Variants in RARB observed in about 807,000 individuals in gnomAD.
RARB encodes retinoic acid receptor beta.
A neutral mutation model predicts 51.9 loss-of-function variants in RARB; 17 were observed. The ratio of observed to expected loss-of-function variants is 0.33; its 90% CI spans 0.22 to 0.49. The LOEUF is 0.49. RARB is among the 20% of genes least tolerant of loss of function. RARB has a pLI of 0.99. For synonymous variants in RARB, 215 were observed against 195.4 expected, an observed-to-expected ratio of 1.10 and a Z score of -0.84; for missense variants, 369 against 550.8, an observed-to-expected ratio of 0.67 and a Z score of 3.30.
intron 5 of RARB, among the ~76,000 whole-genome samples, chr3:25,286,136 T>G (rs1017745221): frequency 1.5e-5 from 2 of 130,100 alleles, no homozygotes; most frequent in South Asian, 2.5e-4. Context: ...TCACCAAGGC[T>G]GGAGTGCAGT....
intron 5 of RARB, among the ~76,000 whole-genome samples, chr3:25,256,532 A>T (rs1488113035): frequency 6.6e-6 from 1 of 152,180 alleles, no homozygotes; most frequent in East Asian, 1.9e-4. Context: ...ATGTTGTTTT[A>T]AAAATTCTTA....
At chr3:24,909,025 A>G (rs1694933120) in intron 2 of RARB, among the ~76,000 whole-genome samples, 2 of 152,178 alleles carry the variant, frequency 1.3e-5, no homozygotes, top group Non-Finnish European at 2.9e-5. Context: ...CTCCCGTTAT[A>G]TAACACATTA....
intron 1 of RARB, among the ~76,000 whole-genome samples, chr3:24,856,109 A>T (rs190768266): frequency 6.6e-6 from 1 of 152,098 alleles, no homozygotes; most frequent in African/African-American, 2.4e-5. Flanking sequence ...CAATATTTTG[A>T]GTATCTTCAT....
chr3:25,422,201 TG>T (rs1707881423), intron 5 of RARB, among the ~76,000 whole-genome samples: 1 of 152,214 alleles, frequency 6.6e-6, no homozygotes, highest in Non-Finnish European at 1.5e-5. Context: ...GCATCTCAGT[TG>T]TAGACATTAT....
intron 1 of RARB, among the ~76,000 whole-genome samples, chr3:25,431,404 C>T (rs1270409636): frequency 1.3e-5 from 2 of 152,014 alleles, no homozygotes; most frequent in African/African-American, 2.4e-5. Flanking sequence ...GATATGCCAG[C>T]CAGCTGCCAT....
At chr3:25,410,771 T>A (rs899944763) in intron 5 of RARB, among the ~76,000 whole-genome samples, 2 of 152,206 alleles carry the variant, frequency 1.3e-5, no homozygotes, top group African/African-American at 4.8e-5. Flanking sequence ...TGGGCCACAG[T>A]CAGAGTATTT....
chr3:25,540,817 G>A (rs1411185882), intron 3 of RARB, among the ~76,000 whole-genome samples: 1 of 152,192 alleles, frequency 6.6e-6, no homozygotes, highest in Admixed American at 6.5e-5. Context: ...AAAGATTAAA[G>A]AGAAGGAAGA....
intron 2 of RARB, among the ~76,000 whole-genome samples, chr3:25,005,657 T>G (rs1697255553): frequency 6.6e-6 from 1 of 152,150 alleles, no homozygotes; most frequent in African/African-American, 2.4e-5. Context: ...TCCTGTTGGT[T>G]GGATGGATCA....
At chr3:25,270,275 A>C (rs77475800) in intron 5 of RARB, among the ~76,000 whole-genome samples, 2 of 152,190 alleles carry the variant, frequency 1.3e-5, no homozygotes, top group Admixed American at 1.3e-4. Context: ...TGCGGTCTGT[A>C]TGTACAACAG....
intron 4 of RARB, among the ~76,000 whole-genome samples, chr3:25,134,206 GT>G (rs1699996271): frequency 6.6e-6 from 1 of 151,798 alleles, no homozygotes; most frequent in African/African-American, 2.4e-5. Flanking sequence ...ACATTTAACT[GT>G]TTTCTGAGGC....
At chr3:24,970,329 A>G (rs1403742390) in intron 2 of RARB, among the ~76,000 whole-genome samples, 1 of 151,980 alleles carries the variant, frequency 6.6e-6, no homozygotes, top group Non-Finnish European at 1.5e-5. Context: ...AACTGAAACC[A>G]CCACGAGTAT....
intron 3 of RARB, among the ~76,000 whole-genome samples, chr3:25,568,835 G>A (rs1255565936): frequency 6.6e-6 from 1 of 152,230 alleles, no homozygotes; most frequent in Non-Finnish European, 1.5e-5. Context: ...GGCATGGTCT[G>A]TTTCGCCTGT....
At chr3:25,558,334 T>G (rs1307081261) in intron 3 of RARB, among the ~76,000 whole-genome samples, 1 of 152,184 alleles carries the variant, frequency 6.6e-6, no homozygotes, top group Non-Finnish European at 1.5e-5. Flanking sequence ...ACCAATGAAC[T>G]TTGCTCCTTC....
chr3:25,013,763 CG>C (rs1159866988), intron 2 of RARB, among the ~76,000 whole-genome samples: 2 of 152,046 alleles, frequency 1.3e-5, no homozygotes, highest in Admixed American at 1.3e-4. Context: ...TCTCCCACAC[CG>C]GGCTTCAAGG....
At chr3:24,884,347 A>G (rs555820255) in intron 2 of RARB, among the ~76,000 whole-genome samples, 2 of 152,234 alleles carry the variant, frequency 1.3e-5, no homozygotes, top group South Asian at 4.1e-4. Context: ...TAGAGAACCT[A>G]CTTATTGTGC....
intron 2 of RARB, among the ~76,000 whole-genome samples, chr3:25,049,552 A>G: frequency 6.6e-6 from 1 of 152,246 alleles, no homozygotes; most frequent in East Asian, 1.9e-4. Flanking sequence ...GCAGGAATGC[A>G]CACTTTGAAT....
At chr3:25,000,091 C>A (rs1048272145) in intron 2 of RARB, among the ~76,000 whole-genome samples, 1 of 151,970 alleles carries the variant, frequency 6.6e-6, no homozygotes. Flanking sequence ...GAATGAGAGA[C>A]AATTTCTAAA....
chr3:24,963,830 A>T (rs1696195989), intron 2 of RARB, among the ~76,000 whole-genome samples: 2 of 152,092 alleles, frequency 1.3e-5, no homozygotes, highest in African/African-American at 4.8e-5. Context: ...CTTAGGTGCA[A>T]ACAATATTTG....
intron 3 of RARB, among the ~76,000 whole-genome samples, chr3:25,516,220 T>C (rs1454851595): frequency 6.6e-6 from 1 of 152,198 alleles, no homozygotes; most frequent in Non-Finnish European, 1.5e-5. Flanking sequence ...AGGCCAGGGA[T>C]TTCTTTACAA....
Sources: allele counts gnomAD v4.1 joint callset (sites outside exome capture counted in the v4.1 genomes callset), GRCh38; gene constraint gnomAD v4.1.1; transcripts MANE v1.5; gene names NCBI Gene and HGNC (gene_info 2026-07-23, HGNC 2026-07-21).